The following FBN1 variants were observed in gnomAD, a reference collection of about 807,000 sequenced individuals.
FBN1 encodes the protein fibrillin-1.
Under a neutral mutation model 365.1 loss-of-function variants are expected in FBN1, and 29 were observed. The ratio of observed to expected loss-of-function variants is 0.08; its 90% CI spans 0.06 to 0.11. FBN1 has a LOEUF of 0.11. FBN1 is among the 10% of genes least tolerant of loss of function. The pLI, the probability that FBN1 is intolerant of heterozygous loss-of-function variation, is 1.00. For missense variants in FBN1, 2,476 were observed against 3,703.2 expected, an observed-to-expected ratio of 0.67 and a Z score of 8.60; for synonymous variants, 1,210 against 1,270.5, an observed-to-expected ratio of 0.95 and a Z score of 1.01.
chr15:48,469,959 T>A (rs772446610), intron 36 of FBN1, among the ~76,000 whole-genome samples: 1 of 151,962 alleles, frequency 6.6e-6, no homozygotes, highest in African/African-American at 2.4e-5. Context: ...AAAGACCAGA[T>A]TTTTTCCGGA....
At chr15:48,483,234 C>T (rs115471014) in intron 31 of FBN1, among the ~76,000 whole-genome samples, 1 of 152,218 alleles carries the variant, frequency 6.6e-6, no homozygotes, top group African/African-American at 2.4e-5. Context: ...AACTGTATTC[C>T]ATGTGTTCAA....
Position 48,635,113 on chromosome 15 carries a change from G to A in FBN1, c.164+9493C>T, listed in dbSNP as rs541890904. On this transcript the variant is annotated intron_variant, in intron 2 of 65. Transcript: ENST00000316623. ...TATTTGAATGTAAGTATGACTGATG[G>A]TCTAGGAATTCATAATCCTTCAAAA... Among the ~76,000 whole-genome samples, 6 of 152,250 alleles carry A rather than the reference G, an allele frequency of 3.9e-5. No homozygotes were observed. The East Asian group carries it at 7.7e-4, about 20-fold the overall frequency.
At chr15:48,574,104 C>T (rs1278706615) in intron 6 of FBN1, among the ~76,000 whole-genome samples, 1 of 152,238 alleles carries the variant, frequency 6.6e-6, no homozygotes, top group African/African-American at 2.4e-5. Context: ...ATTCAGAGCA[C>T]ATTCCTGAGT....
chr15:48,481,524 T>A (rs1704039084), intron 32 of FBN1, 131 bp downstream of exon 32: 1 of 1,019,532 alleles, frequency 9.8e-7, no homozygotes, highest in African/African-American at 1.6e-5. Flanking sequence ...GCTAAATTAA[T>A]GAAAAATGTT....
chr15:48,618,979 G>C (rs1889714478), intron 2 of FBN1, among the ~76,000 whole-genome samples: 1 of 152,110 alleles, frequency 6.6e-6, no homozygotes, highest in African/African-American at 2.4e-5. Context: ...ACATTACGGT[G>C]AGTTGTATAA....
At chr15:48,550,657 G>T (rs2141372740) in intron 6 of FBN1, among the ~76,000 whole-genome samples, 1 of 152,212 alleles carries the variant, frequency 6.6e-6, no homozygotes, top group Non-Finnish European at 1.5e-5. Flanking sequence ...GACACTGAGT[G>T]AACTGCAGTT....
In FBN1 at chr15:48,436,954, T is replaced by C; in HGVS notation, c.6496+7A>G. ...AAAGTTCCTATGGAAGAAAACTTATTACTCACCTACACATTCATTCCCTGC... is the reference window on the plus strand; with the variant it reads ...AAAGTTCCTATGGAAGAAAACTTATCACTCACCTACACATTCATTCCCTGC... On this transcript the variant is annotated splice_region_variant and intron_variant, in intron 53 of 65. Transcript: ENST00000316623. 1.3e-6 allele frequency: 2 copies of C among 1,527,760 alleles called. No homozygotes were observed. Among genetic ancestry groups the C allele is most frequent in the Non-Finnish European group, 1.8e-6 (2 of 1,101,336 alleles). 94.6% of individuals were successfully genotyped at this position (1,527,760 alleles called of 1,614,324 possible).
At chr15:48,624,181 C>G (rs1229295318) in intron 2 of FBN1, among the ~76,000 whole-genome samples, 5 of 152,092 alleles carry the variant, frequency 3.3e-5, no homozygotes, top group Non-Finnish European at 7.4e-5. Flanking sequence ...GGAAACTAGA[C>G]AATTGAACCA....
At chr15:48,481,884 T>C (rs2043468110) in intron 31 of FBN1, 104 bp from the exon 32 acceptor site, 3 of 1,184,004 alleles carry the variant, frequency 2.5e-6, no homozygotes, top group South Asian at 1.3e-5. Flanking sequence ...AAAGGTAAAA[T>C]GCTTTCCCTC....
intron 6 of FBN1, among the ~76,000 whole-genome samples, 186 bp downstream of exon 6, chr15:48,596,097 G>A (rs982352219): frequency 3.9e-5 from 6 of 152,126 alleles, no homozygotes; most frequent in African/African-American, 9.7e-5. Flanking sequence ...AAACATTGCC[G>A]AATATCATGC....
chr15:48,489,843 C>T lies in FBN1; in HGVS notation c.3082+8G>A, dbSNP rs537782857. The stretch of plus-strand genomic sequence containing the variant: ...AGGCAATTGGCCATGGAAAACGTAA[C>T]ATTGTACCTTTGAAGAAAGGCTTTC... On this transcript the variant is annotated splice_region_variant and intron_variant, in intron 25 of 65. Coordinates refer to ENST00000316623, the MANE Select transcript of FBN1 (RefSeq NM_000138.5). 5.0e-6 allele frequency: 8 copies of T among 1,610,496 alleles called. No homozygotes were observed. The highest frequency in any genetic ancestry group is 1.4e-5 in the African/African-American group (1 of 73,286).
intron 6 of FBN1, among the ~76,000 whole-genome samples, chr15:48,553,340 T>A (rs1259985814): frequency 6.6e-6 from 1 of 152,176 alleles, no homozygotes; most frequent in Non-Finnish European, 1.5e-5. Flanking sequence ...AATAATGGAA[T>A]TTTGGAGTTA....
At chr15:48,495,388 A>G in intron 21 of FBN1, 81 bp downstream of exon 21, 1 of 1,594,462 alleles carries the variant, frequency 6.3e-7, no homozygotes. Context: ...ATCCATACTT[A>G]AATTCTTTTG....
intron 6 of FBN1, among the ~76,000 whole-genome samples, chr15:48,541,896 T>C (rs1307130476): frequency 6.6e-6 from 1 of 152,194 alleles, no homozygotes; most frequent in Non-Finnish European, 1.5e-5. Flanking sequence ...CTACAATCAC[T>C]TCCTTATAAG....
intron 42 of FBN1, among the ~76,000 whole-genome samples, chr15:48,462,085 C>T (rs1331680560): frequency 1.3e-5 from 2 of 152,244 alleles, no homozygotes; most frequent in East Asian, 1.9e-4. Context: ...TGGAATAATA[C>T]ATTTTACTAA....
At chr15:48,495,695 T>G in intron 20 of FBN1, 107 bp from the exon 21 acceptor site, 1 of 1,415,622 alleles carries the variant, frequency 7.1e-7, no homozygotes, top group Admixed American at 1.7e-5. Flanking sequence ...TCCCACACAG[T>G]AAAGCTGGGC....
At chr15:48,568,049 G>GAAAGAAAGAAAGGAGAAAGAAAGA (rs369157930) in intron 6 of FBN1, among the ~76,000 whole-genome samples, 1 of 40,132 alleles carries the variant, frequency 2.5e-5, no homozygotes, top group African/African-American at 1.4e-4. Context: ...AAGAAAGAAA[G>GAAAGAAAGAAAGGAGAAAGAAAGA]AAGAAAGAAA....
At position 48,618,018 on chromosome 15, in the gene FBN1, C is replaced by T. The variant is rs1017548037; in HGVS notation, c.165-4926G>A. Among the ~76,000 whole-genome samples the T allele has an allele frequency of 2.6e-5, 4 of 151,994 alleles. No homozygotes were observed. In the South Asian group the frequency reaches 8.3e-4, roughly 32 times the overall value. ...TGATTAAACTCTTGGGCAAGGAGAA[C>T]AAGTACTAGGTAAGGGCTAATGAGA... On this transcript the variant is annotated intron_variant, in intron 2 of 65. Coordinates refer to ENST00000316623, the MANE Select transcript of FBN1 (RefSeq NM_000138.5).
At chr15:48,494,475 A>G (rs1371480280) in intron 22 of FBN1, among the ~76,000 whole-genome samples, 1 of 152,148 alleles carries the variant, frequency 6.6e-6, no homozygotes, top group African/African-American at 2.4e-5. Context: ...CCACTAAGAT[A>G]CTCCAAAAGA....
Sources: gnomAD v4.1 joint callset for allele counts (sites outside exome capture counted in the v4.1 genomes callset) on GRCh38, gnomAD v4.1.1 for gene constraint, MANE v1.5 for transcripts, NCBI Gene and HGNC (gene_info 2026-07-23, HGNC 2026-07-21) for gene names.